VMA22: variants seen among roughly 807,000 people sequenced by gnomAD.
VMA22 encodes the protein vacuolar ATPase assembly protein VMA22.
At chr2:130,340,850 T>C in the VMA22 span, 2 of 1,605,842 alleles carry the variant, frequency 1.2e-6, no homozygotes, top group African/African-American at 1.3e-5. Flanking sequence ...AGTGCTCAAG[T>C]GTTCCCTGTG....
At chr2:130,342,090 C>G in the VMA22 span, 3 of 1,613,724 alleles carry the variant, frequency 1.9e-6, no homozygotes, top group Non-Finnish European at 2.5e-6. Flanking sequence ...GCAGGACCAG[C>G]GAATCCAGCT....
the VMA22 span, chr2:130,339,930 C>G: frequency 2.4e-6 from 2 of 845,162 alleles, no homozygotes; most frequent in Non-Finnish European, 3.2e-6. Flanking sequence ...ATGCAGTGGA[C>G]TCCCAAATCT....
the VMA22 span, chr2:130,338,996 C>T: frequency 2.9e-6 from 2 of 680,674 alleles, no homozygotes; most frequent in South Asian, 3.5e-5. Context: ...AGAGCAGGGA[C>T]ACAGAAGGGG....
At chr2:130,342,054 C>T in the VMA22 span, 2 of 1,613,994 alleles carry the variant, frequency 1.2e-6, no homozygotes, top group East Asian at 2.2e-5. Flanking sequence ...GTTTCCCCTC[C>T]AGCTCCTCCA....
chr2:130,342,116 GC>G, the VMA22 span: 1 of 1,613,610 alleles, frequency 6.2e-7, no homozygotes. Flanking sequence ...CGCAGGTCAA[GC>G]GCCGCCATGG....
the VMA22 span, chr2:130,338,164 C>T: frequency 1.3e-5 from 2 of 152,164 alleles, no homozygotes; most frequent in Non-Finnish European, 2.9e-5. Context: ...TTATCAGTTA[C>T]AAACCCAAAT....
the VMA22 span, chr2:130,339,859 T>G: frequency 1.6e-6 from 2 of 1,234,484 alleles, no homozygotes. Context: ...GCTGATCTCA[T>G]CCTATCTCAG....
At chr2:130,339,520 C>T in the VMA22 span, 1 of 1,299,252 alleles carries the variant, frequency 7.7e-7, no homozygotes, top group Non-Finnish European at 1.0e-6. Context: ...GCCCTCATTT[C>T]CTTCCTTCCC....
the VMA22 span, chr2:130,341,054 G>T: frequency 6.3e-7 from 1 of 1,586,220 alleles, no homozygotes. Context: ...GGAAAGAAAG[G>T]TTGGAGGAGG....
the VMA22 span, chr2:130,339,220 G>T: frequency 6.2e-7 from 1 of 1,613,896 alleles, no homozygotes; most frequent in Admixed American, 1.7e-5. Context: ...TATGTCTGCG[G>T]CCAGCTGCAG....
chr2:130,339,191 T>C, the VMA22 span: 1 of 1,614,020 alleles, frequency 6.2e-7, no homozygotes, highest in Admixed American at 1.7e-5. Flanking sequence ...CCCCAGTCAA[T>C]GCGGTTCTGG....
At chr2:130,339,477 A>C in the VMA22 span, 2 of 1,379,478 alleles carry the variant, frequency 1.4e-6, no homozygotes, top group African/African-American at 1.5e-5. Context: ...CCCACCAGGA[A>C]CTAAAAATTC....
the VMA22 span, chr2:130,339,017 C>T: frequency 3.2e-5 from 25 of 792,926 alleles, no homozygotes; most frequent in South Asian, 1.2e-4. Context: ...CATTAGCTGG[C>T]GTGGGGTAGG....
the VMA22 span, chr2:130,341,207 C>A: frequency 1.4e-6 from 1 of 734,230 alleles, no homozygotes; most frequent in Admixed American, 3.0e-5. Flanking sequence ...ACAGCCTTTC[C>A]CCTTGTGATT....
At chr2:130,341,597 A>T in the VMA22 span, 1 of 1,308,408 alleles carries the variant, frequency 7.6e-7, no homozygotes. Context: ...CCTAATTTAA[A>T]TCATCTCCAT....
the VMA22 span, chr2:130,340,624 G>A: frequency 4.0e-4 from 179 of 442,084 alleles, 1 homozygote; most frequent in African/African-American, 3.3e-3. Flanking sequence ...TATGTTAAGG[G>A]CCTACTTATT....
At chr2:130,339,673 C>T in the VMA22 span, 8 of 1,304,540 alleles carry the variant, frequency 6.1e-6, 1 homozygote, top group Middle Eastern at 8.5e-4. Flanking sequence ...GGGCAGCTCT[C>T]GTCTTCGGCC....
chr2:130,342,264 T>A, the VMA22 span: 1 of 1,514,612 alleles, frequency 6.6e-7, no homozygotes, highest in Non-Finnish European at 8.9e-7. Flanking sequence ...CCAAGGCCTC[T>A]GGGTCAGCTT....
the VMA22 span, chr2:130,342,523 C>A: frequency 2.1e-6 from 1 of 468,436 alleles, no homozygotes; most frequent in Non-Finnish European, 3.8e-6. Context: ...AAGGAGCCGG[C>A]AAGCAACCTT....
Sources: gnomAD v4.1 joint callset for allele counts on GRCh38, gnomAD v4.1.1 for gene constraint, MANE v1.5 for transcripts, NCBI Gene and HGNC (gene_info 2026-07-23, HGNC 2026-07-21) for gene names.